The following RANBP2 variants were observed in gnomAD, a reference collection of about 807,000 sequenced individuals.
RANBP2 encodes RAN binding protein 2.
In RANBP2, 57 loss-of-function variants were observed where a neutral mutation model predicts 303.6. The ratio of observed to expected loss-of-function variants is 0.19; its 90% confidence interval spans 0.15 to 0.23. RANBP2 has a LOEUF of 0.23. Ranked by LOEUF, RANBP2 falls within the 10% of genes least tolerant of loss-of-function variation. The probability of loss-of-function intolerance (pLI) is 1.00; values close to 1 mark genes in which losing one functional copy is unlikely to be tolerated. For missense variants in RANBP2, 3,138 were observed against 3,780.8 expected (o/e 0.83, Z 4.46); for synonymous variants, 1,167 against 1,301.5 (o/e 0.90, Z 2.23).
At chr2:109,097,320 CAAAACAAAACA>C in the RANBP2 span, among the ~76,000 whole-genome samples, 2 of 3,472 alleles carry the variant, frequency 5.8e-4, no homozygotes. Flanking sequence ...AAACAAAAAA[CAAAACAAAACA>C]AAACAAAACA....
the RANBP2 span, among the ~76,000 whole-genome samples, chr2:109,342,865 T>G: frequency 6.6e-6 from 1 of 152,234 alleles, no homozygotes; most frequent in African/African-American, 2.4e-5. Flanking sequence ...CATTATAAGT[T>G]TTAATTATTA....
chr2:108,962,485 A>G, the RANBP2 span, among the ~76,000 whole-genome samples: 4 of 152,020 alleles, frequency 2.6e-5, no homozygotes, highest in African/African-American at 9.7e-5. Context: ...CATCCTGGCG[A>G]ACACAGTGAA....
chr2:109,645,818 T>G, the RANBP2 span, among the ~76,000 whole-genome samples: 12 of 152,272 alleles, frequency 7.9e-5, no homozygotes, highest in Admixed American at 7.8e-4. Flanking sequence ...ACCCGGTAAG[T>G]CCAGCATGAG....
chr2:109,393,145 G>C, the RANBP2 span, among the ~76,000 whole-genome samples: 1 of 152,210 alleles, frequency 6.6e-6, no homozygotes, highest in Non-Finnish European at 1.5e-5. Flanking sequence ...ATCTGCTCCT[G>C]AGTTTTTGAA....
At chr2:108,994,741 G>C in the RANBP2 span, among the ~76,000 whole-genome samples, 2 of 149,954 alleles carry the variant, frequency 1.3e-5, no homozygotes, top group African/African-American at 2.5e-5. Flanking sequence ...ATATCTAAAA[G>C]CAGGGAAGTA....
At chr2:109,692,056 A>C in the RANBP2 span, among the ~76,000 whole-genome samples, 1 of 152,180 alleles carries the variant, frequency 6.6e-6, no homozygotes, top group Non-Finnish European at 1.5e-5. Flanking sequence ...TGCTGGGATT[A>C]CAGGCGTGAG....
chr2:109,615,446 C>A, the RANBP2 span: 190 of 1,613,154 alleles, frequency 1.2e-4, no homozygotes, highest in African/African-American at 2.1e-3. Context: ...AGCTTCTGGC[C>A]ATGCTAGTCA....
the RANBP2 span, among the ~76,000 whole-genome samples, chr2:108,817,641 G>A: frequency 0.022 from 3,305 of 152,202 alleles, 115 homozygotes; most frequent in African/African-American, 0.076. Flanking sequence ...CAGTCACAAA[G>A]GACATACAAA....
chr2:108,834,859 A>C, the RANBP2 span, among the ~76,000 whole-genome samples: 2 of 152,218 alleles, frequency 1.3e-5, no homozygotes, highest in African/African-American at 2.4e-5. Context: ...AGACAGGCAT[A>C]TGACTTTGTC....
the RANBP2 span, among the ~76,000 whole-genome samples, chr2:109,403,035 C>T: frequency 1.3e-5 from 2 of 152,190 alleles, no homozygotes; most frequent in Non-Finnish European, 2.9e-5. Flanking sequence ...AGCCCCTTAG[C>T]TGGCCGAATT....
the RANBP2 span, among the ~76,000 whole-genome samples, chr2:109,044,825 T>C: frequency 1.3e-5 from 2 of 152,172 alleles, no homozygotes; most frequent in African/African-American, 4.8e-5. Flanking sequence ...ACATTCTTTA[T>C]CTGAAAAGCA....
At chr2:109,218,359 A>C in the RANBP2 span, among the ~76,000 whole-genome samples, 1 of 152,196 alleles carries the variant, frequency 6.6e-6, no homozygotes, top group African/African-American at 2.4e-5. Flanking sequence ...CTTTCAATTC[A>C]AAATATGGGC....
At chr2:109,376,328 G>C in the RANBP2 span, among the ~76,000 whole-genome samples, 1 of 152,196 alleles carries the variant, frequency 6.6e-6, no homozygotes, top group East Asian at 1.9e-4. Context: ...CAGCCCTCTT[G>C]GAAGCTGTCT....
the RANBP2 span, among the ~76,000 whole-genome samples, chr2:109,406,534 C>A: frequency 6.6e-6 from 1 of 152,166 alleles, no homozygotes; most frequent in East Asian, 1.9e-4. Flanking sequence ...ACCATCCTCA[C>A]CTGGGACACC....
At chr2:108,848,928 T>C in the RANBP2 span, among the ~76,000 whole-genome samples, 1 of 152,156 alleles carries the variant, frequency 6.6e-6, no homozygotes, top group African/African-American at 2.4e-5. Flanking sequence ...ATACAGATGA[T>C]AGAATTAGTA....
the RANBP2 span, among the ~76,000 whole-genome samples, chr2:109,678,439 T>C: frequency 6.6e-6 from 1 of 152,198 alleles, no homozygotes; most frequent in Non-Finnish European, 1.5e-5. Flanking sequence ...CCCTCCTGCA[T>C]GCTGGCTTGG....
intron 8 of RANBP2, among the ~76,000 whole-genome samples, chr2:108,748,382 T>A (rs1675548727): frequency 6.7e-6 from 1 of 149,982 alleles, no homozygotes; most frequent in African/African-American, 2.4e-5. Flanking sequence ...TAATTTTTTT[T>A]TTTTTTTTTT....
At chr2:109,130,593 G>C in the RANBP2 span, among the ~76,000 whole-genome samples, 2 of 152,136 alleles carry the variant, frequency 1.3e-5, no homozygotes, top group Non-Finnish European at 2.9e-5. Context: ...AGGGCAGAAG[G>C]CAGAGTGGGA....
the RANBP2 span, among the ~76,000 whole-genome samples, chr2:109,642,524 C>T: frequency 5.6e-3 from 840 of 150,712 alleles, 6 homozygotes; most frequent in African/African-American, 0.02. Flanking sequence ...CCGAGGCGGG[C>T]GGATCATGAG....
Sources: gnomAD v4.1 joint callset for allele counts (sites outside exome capture counted in the v4.1 genomes callset) on GRCh38, gnomAD v4.1.1 for gene constraint, MANE v1.5 for transcripts, NCBI Gene and HGNC (gene_info 2026-07-23, HGNC 2026-07-21) for gene names.